Variants in RUNX2 observed in about 807,000 individuals in gnomAD.
RUNX2 encodes the protein runt-related transcription factor 2.
RUNX2 carries 10 observed loss-of-function variants against 51.7 expected under a neutral mutation model. The observed-to-expected ratio is 0.19, with a 90% confidence interval of 0.12 to 0.33. The LOEUF is 0.33. Among genes scored for constraint, RUNX2 ranks in the 10% least tolerant of loss-of-function variants. RUNX2 has a pLI of 1.00. For synonymous variants in RUNX2, 276 were observed against 273.6 expected, an observed-to-expected ratio of 1.01 and a Z score of -0.09; for missense variants, 562 against 691.3, an observed-to-expected ratio of 0.81 and a Z score of 2.10.
chr6:45,338,628 A>T (rs1456875094), intron 2 of RUNX2, among the ~76,000 whole-genome samples: 2 of 152,130 alleles, frequency 1.3e-5, no homozygotes, highest in Admixed American at 1.3e-4. Context: ...TGATAAAAAT[A>T]ATAATACTAT....
At chr6:45,356,157 G>T (rs542558335) in intron 2 of RUNX2, among the ~76,000 whole-genome samples, 4 of 152,104 alleles carry the variant, frequency 2.6e-5, no homozygotes, top group African/African-American at 9.6e-5. Flanking sequence ...ATGCCAATTA[G>T]AAAACTTTCT....
At chr6:45,453,312 C>T (rs1340759685) in intron 5 of RUNX2, among the ~76,000 whole-genome samples, 2 of 152,076 alleles carry the variant, frequency 1.3e-5, no homozygotes, top group African/African-American at 4.8e-5. Flanking sequence ...AAAAAGAACG[C>T]TCTTCTCAAA....
chr6:45,542,120 C>T (rs112819862), intron 7 of RUNX2, among the ~76,000 whole-genome samples: 5,397 of 152,050 alleles, frequency 0.035, 148 homozygotes, highest in African/African-American at 0.078. Context: ...GGAGGATTCC[C>T]GGCCCTGAAA....
intron 5 of RUNX2, among the ~76,000 whole-genome samples, chr6:45,471,752 T>A (rs1799810586): frequency 6.6e-6 from 1 of 152,222 alleles, no homozygotes; most frequent in Non-Finnish European, 1.5e-5. Context: ...TTTTCAAAGC[T>A]ATTTAAATAG....
At chr6:45,407,866 T>C (rs1454016993) in intron 2 of RUNX2, among the ~76,000 whole-genome samples, 2 of 152,134 alleles carry the variant, frequency 1.3e-5, no homozygotes, top group Admixed American at 1.3e-4. Flanking sequence ...GCTTCACTAT[T>C]TTTTCAGCAG....
intron 5 of RUNX2, among the ~76,000 whole-genome samples, chr6:45,484,710 C>T (rs1312997161): frequency 6.6e-6 from 1 of 152,146 alleles, no homozygotes; most frequent in Non-Finnish European, 1.5e-5. Flanking sequence ...AAGGCTCATC[C>T]TTAGAAGTAG....
At chr6:45,337,777 AT>A (rs1204239473) in intron 2 of RUNX2, among the ~76,000 whole-genome samples, 1 of 151,962 alleles carries the variant, frequency 6.6e-6, no homozygotes, top group Non-Finnish European at 1.5e-5. Context: ...TGTTATGTTT[AT>A]TTTTGTTTAT....
intron 7 of RUNX2, among the ~76,000 whole-genome samples, chr6:45,522,517 A>T (rs578200796): frequency 6.6e-6 from 1 of 152,198 alleles, no homozygotes; most frequent in African/African-American, 2.4e-5. Flanking sequence ...AACTTTTAAA[A>T]ATTACGTATG....
chr6:45,515,921 A>G (rs1801305537), intron 7 of RUNX2, among the ~76,000 whole-genome samples: 1 of 152,192 alleles, frequency 6.6e-6, no homozygotes, highest in Admixed American at 6.5e-5. Flanking sequence ...CACCAGAAAG[A>G]ACTGTTCCAA....
At chr6:45,403,549 T>A (rs772339916) in intron 2 of RUNX2, among the ~76,000 whole-genome samples, 4 of 152,170 alleles carry the variant, frequency 2.6e-5, no homozygotes, top group South Asian at 2.1e-4. Context: ...TCCTTTTAAT[T>A]AACATAGATG....
chr6:45,414,956 C>T (rs1246473021), intron 2 of RUNX2, among the ~76,000 whole-genome samples: 1 of 152,038 alleles, frequency 6.6e-6, no homozygotes. Flanking sequence ...CATATCTATA[C>T]TCTCTGTCTA....
At chr6:45,539,997 G>A (rs1309613321) in intron 7 of RUNX2, among the ~76,000 whole-genome samples, 1 of 152,210 alleles carries the variant, frequency 6.6e-6, no homozygotes, top group Non-Finnish European at 1.5e-5. Flanking sequence ...TTGTGTAGTG[G>A]TGAGCTTTGA....
intron 7 of RUNX2, 78 bp from the exon 8 acceptor site, chr6:45,545,139 T>C: frequency 8.2e-7 from 1 of 1,222,846 alleles, no homozygotes; most frequent in East Asian, 2.5e-5. Flanking sequence ...CTGTTGCTTC[T>C]CCTTCTCTCT....
At chr6:45,411,121 G>T (rs1289777310) in intron 2 of RUNX2, among the ~76,000 whole-genome samples, 1 of 152,100 alleles carries the variant, frequency 6.6e-6, no homozygotes, top group Non-Finnish European at 1.5e-5. Context: ...GCTCCAAATT[G>T]CACACTCTAC....
In RUNX2 at chr6:45,403,304, G is replaced by C. The variant is rs560983446; in HGVS notation, c.59-19289G>C. 1.5e-4 allele frequency among the ~76,000 whole-genome samples: 23 copies of C among 148,970 alleles called. No homozygotes were observed. In the South Asian group the frequency reaches 4.9e-3, roughly 32 times the overall value. On this transcript the variant is annotated intron_variant, in intron 2 of 8. Transcript: ENST00000647337. The stretch of plus-strand genomic sequence containing the variant: ...GCTGGAGTGCAGTGGTGCGATCTCG[G>C]CTCACTGCAAACTCCGCCTCCCAGG...
intron 5 of RUNX2, among the ~76,000 whole-genome samples, chr6:45,468,786 G>A (rs545907381): frequency 6.6e-6 from 1 of 152,204 alleles, no homozygotes; most frequent in South Asian, 2.1e-4. Flanking sequence ...CCCATTGCAG[G>A]ACAACTGGCA....
chr6:45,471,347 C>A (rs1799793614), intron 5 of RUNX2, among the ~76,000 whole-genome samples: 1 of 151,922 alleles, frequency 6.6e-6, no homozygotes, highest in Non-Finnish European at 1.5e-5. Flanking sequence ...CATCCTCTTT[C>A]TAAGTTCCTG....
intron 5 of RUNX2, among the ~76,000 whole-genome samples, chr6:45,443,127 A>G (rs887583858): frequency 7.4e-6 from 1 of 135,224 alleles, no homozygotes; most frequent in Non-Finnish European, 1.5e-5. Flanking sequence ...GCTAACTCCA[A>G]CCTCAAACTC....
At chr6:45,367,807 T>G (rs1795399569) in intron 2 of RUNX2, among the ~76,000 whole-genome samples, 1 of 152,194 alleles carries the variant, frequency 6.6e-6, no homozygotes, top group Non-Finnish European at 1.5e-5. Context: ...CCAAACCTAG[T>G]TTATTATAAC....
Sources: allele counts gnomAD v4.1 joint callset (sites outside exome capture counted in the v4.1 genomes callset), GRCh38; gene constraint gnomAD v4.1.1; transcripts MANE v1.5; gene names NCBI Gene and HGNC (gene_info 2026-07-23, HGNC 2026-07-21).